Variants in PTPRR observed in about 807,000 individuals in gnomAD.
The protein encoded by PTPRR is receptor-type tyrosine-protein phosphatase R.
In PTPRR, 38 loss-of-function variants were observed where a neutral mutation model predicts 77.2. The observed-to-expected ratio is 0.49, with a 90% CI of 0.38 to 0.65. PTPRR has a LOEUF of 0.65. PTPRR is among the 30% of genes least tolerant of loss of function. The pLI, the probability that PTPRR is intolerant of heterozygous loss-of-function variation, is 0.00. For synonymous variants in PTPRR, 299 were observed against 283.1 expected (o/e 1.06, Z -0.57); for missense variants, 744 against 799.2 (o/e 0.93, Z 0.83).
At chr12:70,826,933 C>T (rs1295506556) in intron 2 of PTPRR, among the ~76,000 whole-genome samples, 3 of 152,204 alleles carry the variant, frequency 2.0e-5, no homozygotes, top group Non-Finnish European at 1.5e-5. Flanking sequence ...CAAACCTGCA[C>T]CTGCCTCAGG....
chr12:70,683,837 T>A (rs1887761440), intron 10 of PTPRR, among the ~76,000 whole-genome samples: 1 of 152,206 alleles, frequency 6.6e-6, no homozygotes, highest in Non-Finnish European at 1.5e-5. Flanking sequence ...TGTGAATGAA[T>A]AAGGTTTTAT....
intron 5 of PTPRR, among the ~76,000 whole-genome samples, chr12:70,747,530 G>A (rs1466370190): frequency 6.6e-6 from 1 of 152,146 alleles, no homozygotes; most frequent in Admixed American, 6.5e-5. Context: ...GAAAGCCAAG[G>A]AAATCTTGAC....
chr12:70,693,695 T>C (rs1183858070), intron 8 of PTPRR, among the ~76,000 whole-genome samples: 3 of 150,770 alleles, frequency 2.0e-5, no homozygotes, highest in African/African-American at 2.5e-5. Context: ...TTGTAATATA[T>C]AGCTTGTACT....
At chr12:70,754,956 G>GT (rs1890525590) in intron 4 of PTPRR, among the ~76,000 whole-genome samples, 2 of 151,998 alleles carry the variant, frequency 1.3e-5, no homozygotes, top group African/African-American at 4.8e-5. Context: ...ATAAAAGGTA[G>GT]AATACACAGG....
intron 6 of PTPRR, among the ~76,000 whole-genome samples, chr12:70,721,937 T>C (rs1019867112): frequency 4.6e-5 from 7 of 152,138 alleles, no homozygotes; most frequent in Non-Finnish European, 7.3e-5. Context: ...ACAGCCCAAA[T>C]TGACCCCAAT....
intron 7 of PTPRR, among the ~76,000 whole-genome samples, chr12:70,699,188 T>C (rs1888335507): frequency 6.6e-6 from 1 of 152,178 alleles, no homozygotes; most frequent in South Asian, 2.1e-4. Flanking sequence ...TTTGATAAGA[T>C]TAACATGAAC....
At chr12:70,640,169 A>T (rs373256403) in intron 13 of PTPRR, among the ~76,000 whole-genome samples, 12 of 152,046 alleles carry the variant, frequency 7.9e-5, no homozygotes, top group Middle Eastern at 6.8e-3. Flanking sequence ...CATAATTATG[A>T]TCCTTTTTTA....
intron 3 of PTPRR, among the ~76,000 whole-genome samples, chr12:70,763,989 A>C (rs1050266686): frequency 1.3e-5 from 2 of 151,488 alleles, no homozygotes; most frequent in Non-Finnish European, 1.5e-5. Context: ...GGCCCTATAC[A>C]ACAGATCCTT....
At chr12:70,639,387 T>G in intron 13 of PTPRR, 110 bp from the exon 14 acceptor site, 4 of 1,415,860 alleles carry the variant, frequency 2.8e-6, no homozygotes, top group Non-Finnish European at 3.8e-6. Context: ...CATAGAACAG[T>G]CGACCTAGTG....
chr12:70,845,682 A>G lies in PTPRR; in HGVS notation c.357+46997T>C, dbSNP rs188650562. On this transcript the variant is annotated intron_variant, in intron 2 of 13. Coordinates refer to ENST00000283228, the MANE Select transcript of PTPRR (RefSeq NM_002849.4). ...TAAGTCTTCATTGGATAAAATGCCT[A>G]AGAAAGGAGAAGATTCAGCACCTAG... 1.6e-4 allele frequency among the ~76,000 whole-genome samples: 24 copies of G among 152,302 alleles called. No homozygotes were observed. The East Asian group carries it at 3.9e-3, about 24-fold the overall frequency.
Position 70,764,710 on chromosome 12 carries a change from T to C in PTPRR, c.426A>G (p.Ala142=). 2 of 1,614,164 alleles carry C rather than the reference T, an allele frequency of 1.2e-6. No individual in the cohort carries two copies. Among genetic ancestry groups the C allele is most frequent in the Non-Finnish European group, 1.7e-6 (2 of 1,180,014 alleles). ...CTTGCTGGGGTAAGAGTCCTAAAGC[T>C]GCAGCCACTCCTTGGCGGAAGATCC... ...LLRIFRQGVA[A]ALGLLPQQVH... Residue 142 remains alanine, a synonymous_variant, in exon 3 of 14, where the codon GCA becomes GCG. Transcript: ENST00000283228.
chr12:70,862,018 G>C (rs2137079710), intron 2 of PTPRR, among the ~76,000 whole-genome samples: 1 of 152,256 alleles, frequency 6.6e-6, no homozygotes, highest in East Asian at 1.9e-4. Flanking sequence ...TATCAGAATT[G>C]CTCATGACCA....
intron 2 of PTPRR, among the ~76,000 whole-genome samples, chr12:70,827,704 C>T (rs564071926): frequency 2.5e-4 from 35 of 140,742 alleles, no homozygotes; most frequent in South Asian, 6.7e-4. Context: ...TGCCACCACA[C>T]CTGGCTTTTT....
chr12:70,835,223 A>G (rs568219125), intron 2 of PTPRR, among the ~76,000 whole-genome samples: 38 of 152,266 alleles, frequency 2.5e-4, no homozygotes, highest in African/African-American at 8.9e-4. Flanking sequence ...AAAAGAGACT[A>G]TATGCATAAA....
At chr12:70,733,311 T>C (rs1889727375) in intron 6 of PTPRR, among the ~76,000 whole-genome samples, 1 of 150,982 alleles carries the variant, frequency 6.6e-6, no homozygotes, top group South Asian at 2.1e-4. Context: ...AATTCTCAAG[T>C]TAAAGCTGTT....
chr12:70,680,389 G>A (rs1005333183), intron 10 of PTPRR, among the ~76,000 whole-genome samples: 3 of 152,136 alleles, frequency 2.0e-5, no homozygotes, highest in Non-Finnish European at 4.4e-5. Context: ...ACTTTTGAAG[G>A]GAATGACTTT....
At chr12:70,844,506 A>C (rs959181938) in intron 2 of PTPRR, among the ~76,000 whole-genome samples, 3 of 152,164 alleles carry the variant, frequency 2.0e-5, no homozygotes, top group Non-Finnish European at 2.9e-5. Flanking sequence ...TGTGGAATCT[A>C]GTAATGTTGA....
intron 2 of PTPRR, among the ~76,000 whole-genome samples, chr12:70,818,829 CA>C (rs35521772): frequency 0.32 from 48,158 of 150,726 alleles, 10,951 homozygotes; most frequent in African/African-American, 0.65. Context: ...GTATCTATTC[CA>C]AAAAAAAATC....
At chr12:70,748,568 AT>A (rs761476134) in intron 5 of PTPRR, among the ~76,000 whole-genome samples, 1 of 152,210 alleles carries the variant, frequency 6.6e-6, no homozygotes, top group Non-Finnish European at 1.5e-5. Flanking sequence ...AGATTATTGA[AT>A]GAGAGGAGCT....
Sources: allele counts gnomAD v4.1 joint callset (sites outside exome capture counted in the v4.1 genomes callset), GRCh38; gene constraint gnomAD v4.1.1; transcripts MANE v1.5; gene names NCBI Gene and HGNC (gene_info 2026-07-23, HGNC 2026-07-21).